The following LRFN5 variants were observed in gnomAD, a reference collection of about 807,000 sequenced individuals.
LRFN5 encodes leucine-rich repeat and fibronectin type-III domain-containing protein 5.
Under a neutral mutation model 45.6 loss-of-function variants are expected in LRFN5, and 24 were observed. The ratio of observed to expected loss-of-function variants is 0.53; its 90% CI spans 0.38 to 0.74. The LOEUF (loss-of-function observed/expected upper bound fraction) is 0.74, where lower values mean the gene tolerates loss of function less well. LRFN5 is among the 30% of genes least tolerant of loss of function. The pLI, the probability that LRFN5 is intolerant of heterozygous loss-of-function variation, is 0.00. For synonymous variants in LRFN5, 340 were observed against 313.8 expected (o/e 1.08, Z -0.88); for missense variants, 776 against 861.5 (o/e 0.90, Z 1.24).
At position 41,842,300 on chromosome 14, in the gene LRFN5, C is replaced by T. The variant is rs573469902; in HGVS notation, c.-20-44306C>T. ...AAGTCAGCAAACAAATTGGATACATCGTTAAATAGACAGTGACAAGCATCA... is the reference window on the plus strand; with the variant it reads ...AAGTCAGCAAACAAATTGGATACATTGTTAAATAGACAGTGACAAGCATCA... On this transcript the variant is annotated intron_variant, in intron 2 of 5. Coordinates refer to ENST00000298119, the MANE Select transcript of LRFN5 (RefSeq NM_152447.5). 4.6e-5 allele frequency among the ~76,000 whole-genome samples: 7 copies of T among 152,146 alleles called. No homozygotes were observed. The East Asian group carries it at 1.4e-3, about 29-fold the overall frequency.
chr14:41,841,340 T>A (rs1295040702), intron 2 of LRFN5, among the ~76,000 whole-genome samples: 3 of 151,886 alleles, frequency 2.0e-5, no homozygotes. Context: ...TGGATGGAAA[T>A]AGCTAGTTCG....
intron 2 of LRFN5, among the ~76,000 whole-genome samples, chr14:41,803,473 T>G (rs955179150): frequency 2.0e-5 from 3 of 151,920 alleles, no homozygotes; most frequent in Non-Finnish European, 4.4e-5. Flanking sequence ...AGTCTCAGCC[T>G]CCTGAGTAGC....
chr14:41,830,115 A>C (rs373963768), intron 2 of LRFN5, among the ~76,000 whole-genome samples: 2 of 151,658 alleles, frequency 1.3e-5, no homozygotes, highest in South Asian at 2.1e-4. Flanking sequence ...TTTAACTTGT[A>C]TTATAAATCT....
intron 2 of LRFN5, among the ~76,000 whole-genome samples, chr14:41,809,661 AT>A (rs1039797404): frequency 6.6e-6 from 1 of 151,590 alleles, no homozygotes; most frequent in African/African-American, 2.4e-5. Context: ...ATGTTTATGT[AT>A]TTTTGTATCA....
At chr14:41,801,318 A>G (rs1566451369) in intron 2 of LRFN5, among the ~76,000 whole-genome samples, 2 of 152,146 alleles carry the variant, frequency 1.3e-5, no homozygotes, top group South Asian at 4.1e-4. Context: ...TGTGTATCCA[A>G]CTAATGATAG....
At chr14:41,850,693 A>G (rs999698199) in intron 2 of LRFN5, among the ~76,000 whole-genome samples, 18 of 151,724 alleles carry the variant, frequency 1.2e-4, no homozygotes, top group African/African-American at 4.1e-4. Flanking sequence ...AGCAATTTCA[A>G]TTTCATTACC....
chr14:41,781,327 G>A (rs61988360), intron 2 of LRFN5, among the ~76,000 whole-genome samples: 24,982 of 151,742 alleles, frequency 0.16, 2,244 homozygotes, highest in African/African-American at 0.23. Context: ...TTCAAAACCA[G>A]CCTGGGCAAT....
At chr14:41,633,775 A>G (rs549976671) in intron 1 of LRFN5, among the ~76,000 whole-genome samples, 2 of 152,186 alleles carry the variant, frequency 1.3e-5, no homozygotes, top group Non-Finnish European at 2.9e-5. Context: ...AACAGTATAA[A>G]ATAAAACTGT....
At chr14:41,833,039 C>T (rs1239883276) in intron 2 of LRFN5, among the ~76,000 whole-genome samples, 3 of 152,110 alleles carry the variant, frequency 2.0e-5, no homozygotes, top group Non-Finnish European at 4.4e-5. Context: ...GTAGCTGGCT[C>T]CTCCCTATCA....
intron 1 of LRFN5, among the ~76,000 whole-genome samples, chr14:41,669,546 T>C (rs1212013759): frequency 2.6e-5 from 4 of 151,986 alleles, no homozygotes; most frequent in Non-Finnish European, 5.9e-5. Flanking sequence ...TGTTTTTCTG[T>C]CTGTTGGATT....
At chr14:41,777,006 C>A (rs1022299528) in intron 2 of LRFN5, among the ~76,000 whole-genome samples, 1 of 151,888 alleles carries the variant, frequency 6.6e-6, no homozygotes, top group Non-Finnish European at 1.5e-5. Context: ...ATACAGTTTT[C>A]ATATATGAAT....
chr14:41,883,262 A>T (rs1221691982), intron 2 of LRFN5, among the ~76,000 whole-genome samples: 1 of 152,074 alleles, frequency 6.6e-6, no homozygotes, highest in Non-Finnish European at 1.5e-5. Flanking sequence ...TTTATAGCTT[A>T]TCCAGCTTAT....
chr14:41,903,923 AT>A (rs922623202), intron 5 of LRFN5, among the ~76,000 whole-genome samples: 1 of 152,242 alleles, frequency 6.6e-6, no homozygotes, highest in East Asian at 1.9e-4. Flanking sequence ...GATTAAAAAA[AT>A]AAGATACTTT....
chr14:41,629,349 G>A (rs1047203500), intron 1 of LRFN5, among the ~76,000 whole-genome samples: 6 of 152,094 alleles, frequency 3.9e-5, no homozygotes, highest in African/African-American at 1.4e-4. Context: ...TTATTTGTGG[G>A]TTACATGTCC....
At chr14:41,774,685 G>A (rs902454729) in intron 2 of LRFN5, among the ~76,000 whole-genome samples, 86 of 152,276 alleles carry the variant, frequency 5.6e-4, no homozygotes, top group African/African-American at 1.9e-3. Flanking sequence ...ATTTTGAAAA[G>A]CGTTAACTTA....
At chr14:41,844,245 G>A (rs971886303) in intron 2 of LRFN5, among the ~76,000 whole-genome samples, 1 of 152,018 alleles carries the variant, frequency 6.6e-6, no homozygotes, top group African/African-American at 2.4e-5. Context: ...AGACCATCCT[G>A]GCTAACATGG....
Position 41,734,329 on chromosome 14 carries a change from TA to T in LRFN5, c.-196-32524del, listed in dbSNP as rs1399407057. On this transcript the variant is annotated intron_variant, in intron 1 of 5. Transcript: ENST00000298119. ...CCTGGACTGGTTTTATATATATATA[TA>T]TATATATATATATATTTAAATTTGC... is the stretch of plus-strand genomic sequence containing the variant. Among the ~76,000 whole-genome samples, 4 of 101,374 alleles carry T rather than the reference TA, an allele frequency of 3.9e-5. 1 individual carries two copies. Among genetic ancestry groups the T allele is most frequent in the East Asian group, 8.3e-4 (2 of 2,414 alleles). The allele number at this position is 101,374 out of a possible 152,430, so 66.5% of individuals were successfully genotyped here.
At chr14:41,806,426 T>C (rs1472780598) in intron 2 of LRFN5, among the ~76,000 whole-genome samples, 1 of 152,206 alleles carries the variant, frequency 6.6e-6, no homozygotes, top group Non-Finnish European at 1.5e-5. Flanking sequence ...TATTGTACTT[T>C]ACCATTAGAG....
intron 1 of LRFN5, among the ~76,000 whole-genome samples, chr14:41,738,272 T>G (rs1250295899): frequency 1.3e-5 from 2 of 152,070 alleles, no homozygotes; most frequent in Non-Finnish European, 2.9e-5. Context: ...ATAAATGGTA[T>G]TAGGAAAACT....
Sources: allele counts gnomAD v4.1 joint callset (sites outside exome capture counted in the v4.1 genomes callset), GRCh38; gene constraint gnomAD v4.1.1; transcripts MANE v1.5; gene names NCBI Gene and HGNC (gene_info 2026-07-23, HGNC 2026-07-21).